PCDHA4: variants seen among roughly 807,000 people sequenced by gnomAD.
PCDHA4 encodes the protein protocadherin alpha 4, also known as protocadherin alpha-4.
A neutral mutation model predicts 61.4 loss-of-function variants in PCDHA4; 49 were observed. The ratio of observed to expected loss-of-function variants is 0.80; its 90% confidence interval spans 0.63 to 1.01. The LOEUF is 1.01. Among genes scored for constraint, PCDHA4 ranks in the 50% least tolerant of loss-of-function variants. PCDHA4 has a pLI of 0.00. For synonymous variants in PCDHA4, 590 were observed against 550.3 expected (o/e 1.07, Z -1.01); for missense variants, 1,254 against 1,235.8 (o/e 1.01, Z -0.22).
chr5:140,918,234 T>G (rs1188816850), intron 1 of PCDHA4, among the ~76,000 whole-genome samples: 1 of 152,210 alleles, frequency 6.6e-6, no homozygotes, highest in Non-Finnish European at 1.5e-5. Context: ...TTTTGTACAT[T>G]GATTTTGTAT....
chr5:140,941,210 T>TTC (rs2092846943), intron 1 of PCDHA4, among the ~76,000 whole-genome samples: 12 of 100,630 alleles, frequency 1.2e-4, no homozygotes, highest in Admixed American at 4.7e-4. Context: ...TTCCTTTCTT[T>TTC]CTTCCTTTCT....
intron 1 of PCDHA4, chr5:140,830,725 T>A (rs1319417645): frequency 9.0e-6 from 2 of 221,188 alleles, no homozygotes; most frequent in Admixed American, 5.6e-5. Context: ...AACCAAAATA[T>A]TCTTGGATAT....
rs1554125144 is a variant in PCDHA4 at position 140,809,324 on chromosome 5, C to T, written c.2137C>T (p.Leu713Phe). The T allele has an allele frequency of 6.2e-7, 1 of 1,614,106 alleles. No individual in the cohort carries two copies. The highest frequency in any genetic ancestry group is 1.1e-5 in the South Asian group (1 of 91,092). ...CTGCGCGGTGTCCAGCCTTTTGGTG[C>T]TCACGCTGCTGCTGTACACCGCGCT... Reference protein sequence around the residue: ...AICAVSSLLVLTLLLYTALRC... With the variant: ...AICAVSSLLVFTLLLYTALRC... Residue 713 changes from leucine to phenylalanine, a missense_variant, in exon 1 of 4, where the codon CTC becomes TTC. Coordinates refer to ENST00000530339, the MANE Select transcript of PCDHA4 (RefSeq NM_018907.4).
rs1040454233 is a variant in PCDHA4 at position 140,868,818 on chromosome 5, T to C, written c.2385+59246T>C. On this transcript the variant is annotated intron_variant, in intron 1 of 3. Transcript: ENST00000530339. ...CATAAATAAGCACGTTGGAAATATT[T>C]GGGGGAAGAAACCCAAAACACGTGA... 30 of 385,940 alleles carry C rather than the reference T, an allele frequency of 7.8e-5. No individual in the cohort carries two copies. The East Asian group carries it at 1.3e-3, about 16-fold the overall frequency. 23.9% of individuals were successfully genotyped at this position (385,940 alleles called of 1,614,324 possible).
At chr5:140,929,051 G>A (rs1398009156) in intron 1 of PCDHA4, 2 of 1,614,170 alleles carry the variant, frequency 1.2e-6, no homozygotes, top group South Asian at 1.1e-5. Flanking sequence ...AGCTGCTGTC[G>A]CTCTACAGAG....
rs2150325780 is a variant in PCDHA4 at position 140,841,933 on chromosome 5, C to A, written c.2385+32361C>A. 1.5e-5 allele frequency: 24 copies of A among 1,613,740 alleles called. 1 individual carries two copies. Among genetic ancestry groups the A allele is most frequent in the South Asian group, 4.4e-5 (4 of 91,086 alleles). ...TAAGAAAATCCTTGGACAGAGAGGA[C>A]GCTCCTGCGCACCACTTATTCCTGA... On this transcript the variant is annotated intron_variant, in intron 1 of 3. Transcript: ENST00000530339.
In PCDHA4 at chr5:140,927,075, C is replaced by T. The variant is rs1304732952; in HGVS notation, c.2386-51874C>T. On this transcript the variant is annotated intron_variant, in intron 1 of 3. Transcript: ENST00000530339. ...GGAACTTTCGCTTCCTTTCCAGCCA[C>T]CGCGAGCTCTACTTCGGGGTGGATC... 2.5e-6 allele frequency: 4 copies of T among 1,611,188 alleles called. No homozygotes were observed. In the Admixed American group the frequency reaches 5.0e-5, roughly 20 times the overall value.
chr5:140,977,324 C>T (rs1035502087), intron 1 of PCDHA4, among the ~76,000 whole-genome samples: 5 of 152,102 alleles, frequency 3.3e-5, no homozygotes, highest in Non-Finnish European at 4.4e-5. Context: ...CTCCTGATGG[C>T]GAGGGGAGAG....
chr5:140,906,786 A>G (rs1471436514), intron 1 of PCDHA4, among the ~76,000 whole-genome samples: 1 of 152,198 alleles, frequency 6.6e-6, no homozygotes, highest in Non-Finnish European at 1.5e-5. Flanking sequence ...GATCTTGTGT[A>G]TTCCATGCAT....
chr5:140,966,951 C>G lies in PCDHA4; in HGVS notation c.2386-11998C>G, dbSNP rs781885198. 3.1e-5 allele frequency: 50 copies of G among 1,603,624 alleles called. No individual in the cohort carries two copies. The highest frequency in any genetic ancestry group is 4.2e-5 in the Non-Finnish European group (50 of 1,178,520). The stretch of plus-strand genomic sequence containing the variant: ...CCCGGCGCGCTCGTGGGCAACGTGG[C>G]TCGCGCGCTGGGGCTTGAGCTGCGG... On this transcript the variant is annotated intron_variant, in intron 1 of 3. Coordinates refer to ENST00000530339, the MANE Select transcript of PCDHA4 (RefSeq NM_018907.4).
chr5:140,809,882 T>G, intron 1 of PCDHA4: 1 of 234,824 alleles, frequency 4.3e-6, no homozygotes, highest in Non-Finnish European at 8.2e-6. Flanking sequence ...ATTTAACCTA[T>G]TACATATAAA....
At chr5:140,948,447 A>G (rs2094256090) in intron 1 of PCDHA4, among the ~76,000 whole-genome samples, 1 of 151,282 alleles carries the variant, frequency 6.6e-6, no homozygotes, top group Non-Finnish European at 1.5e-5. Flanking sequence ...TGTGCCAGGG[A>G]TTTTCTTTTA....
At chr5:140,918,111 C>A (rs1035723043) in intron 1 of PCDHA4, among the ~76,000 whole-genome samples, 1 of 152,016 alleles carries the variant, frequency 6.6e-6, no homozygotes, top group Admixed American at 6.6e-5. Flanking sequence ...CTTTCACATC[C>A]TTGATTAGCC....
intron 1 of PCDHA4, chr5:140,843,540 T>C: frequency 6.3e-7 from 1 of 1,595,966 alleles, no homozygotes; most frequent in Non-Finnish European, 8.6e-7. Context: ...CCCACTCTGG[T>C]GTGCTCCAGT....
chr5:140,904,940 A>G (rs368833420), intron 1 of PCDHA4, among the ~76,000 whole-genome samples: 1 of 152,136 alleles, frequency 6.6e-6, no homozygotes, highest in African/African-American at 2.4e-5. Context: ...TCTGGATATT[A>G]GTCCTTTGTC....
At chr5:140,882,982 C>A (rs139888237) in intron 1 of PCDHA4, 2 of 1,614,148 alleles carry the variant, frequency 1.2e-6, no homozygotes, top group South Asian at 1.1e-5. Flanking sequence ...TGAATGACAA[C>A]GCCCCGGAAT....
intron 1 of PCDHA4, chr5:140,861,443 C>T (rs782609099): frequency 4.1e-6 from 2 of 493,194 alleles, no homozygotes; most frequent in Non-Finnish European, 8.3e-6. Context: ...CCAAAAGCCG[C>T]AGAAACCTTC....
intron 1 of PCDHA4, chr5:140,841,783 A>G (rs1580976899): frequency 6.2e-7 from 1 of 1,613,912 alleles, no homozygotes; most frequent in Non-Finnish European, 8.5e-7. Flanking sequence ...GGTTTCCGCT[A>G]GAGGGCGCGT....
chr5:140,927,624 G>A (rs1554204821), intron 1 of PCDHA4: 3 of 1,614,212 alleles, frequency 1.9e-6, no homozygotes, highest in Non-Finnish European at 2.5e-6. Context: ...AGGTTCCAGA[G>A]ACTGCACCCA....
Sources: gnomAD v4.1 joint callset for allele counts (sites outside exome capture counted in the v4.1 genomes callset) on GRCh38, gnomAD v4.1.1 for gene constraint, MANE v1.5 for transcripts, NCBI Gene and HGNC (gene_info 2026-07-23, HGNC 2026-07-21) for gene names.